COL24A1: variants seen among roughly 807,000 people sequenced by gnomAD.
The protein encoded by COL24A1 is collagen alpha-1(XXIV) chain.
Under a neutral mutation model 253.9 loss-of-function variants are expected in COL24A1, and 224 were observed. The observed-to-expected ratio is 0.88, with a 90% CI of 0.79 to 0.99. The LOEUF (loss-of-function observed/expected upper bound fraction) is 0.99. COL24A1 is among the 50% of genes least tolerant of loss of function. The probability of loss-of-function intolerance (pLI) is 0.00; values close to 1 mark genes in which losing one functional copy is unlikely to be tolerated. For missense variants in COL24A1, 2,131 were observed against 2,068.5 expected, an observed-to-expected ratio of 1.03 and a Z score of -0.59; for synonymous variants, 685 against 673.7, an observed-to-expected ratio of 1.02 and a Z score of -0.26.
chr1:85,892,216 A>T lies in COL24A1; in HGVS notation c.2923-2603T>A, dbSNP rs143923119. On this transcript the variant is annotated intron_variant, in intron 31 of 59. Coordinates refer to ENST00000370571, the MANE Select transcript of COL24A1 (RefSeq NM_152890.7). ...TGATTCCAATAAAATATAATGATAC[A>T]TTATATGCAAGGGATTAATTTTATA... is the stretch of plus-strand genomic sequence containing the variant. 2.8e-4 allele frequency among the ~76,000 whole-genome samples: 43 copies of T among 152,200 alleles called. No individual in the cohort carries two copies. The East Asian group carries it at 7.3e-3, about 26-fold the overall frequency.
chr1:85,951,372 A>G (rs1034311654), intron 24 of COL24A1, among the ~76,000 whole-genome samples: 4 of 152,176 alleles, frequency 2.6e-5, no homozygotes, highest in African/African-American at 9.6e-5. Flanking sequence ...AAAAGACTTC[A>G]TGGTTGAGAA....
At chr1:86,148,020 C>T (rs1008181165) in intron 1 of COL24A1, among the ~76,000 whole-genome samples, 2 of 152,148 alleles carry the variant, frequency 1.3e-5, no homozygotes, top group Admixed American at 1.3e-4. Flanking sequence ...GCATTTATAA[C>T]AAGTTCCTGG....
At chr1:85,935,056 T>G (rs532992046) in intron 24 of COL24A1, among the ~76,000 whole-genome samples, 2 of 152,260 alleles carry the variant, frequency 1.3e-5, no homozygotes, top group Admixed American at 1.3e-4. Context: ...TAGTATATTT[T>G]GCAAAATGGT....
chr1:85,736,567 G>A lies in COL24A1; in HGVS notation c.4782+829C>T, dbSNP rs78774130. 1.3e-3 allele frequency: 574 copies of A among 445,910 alleles called. 4 individuals carry two copies. The highest frequency in any genetic ancestry group is 0.011 in the African/African-American group (548 of 49,948). 27.6% of individuals were successfully genotyped at this position (445,910 alleles called of 1,614,324 possible). On this transcript the variant is annotated intron_variant, in intron 58 of 59. Transcript: ENST00000370571. ...GGTAATAATGGTGAATGCCTATTAA[G>A]ATAAATTGATGGAATGCCCTGGTTA...
chr1:85,785,176 A>C (rs1669552652), intron 48 of COL24A1, among the ~76,000 whole-genome samples: 1 of 152,228 alleles, frequency 6.6e-6, no homozygotes, highest in African/African-American at 2.4e-5. Context: ...TTCCATCAAT[A>C]AAAAATTTCC....
At chr1:85,837,651 C>T (rs1022104061) in intron 43 of COL24A1, among the ~76,000 whole-genome samples, 1 of 152,036 alleles carries the variant, frequency 6.6e-6, no homozygotes, top group Non-Finnish European at 1.5e-5. Flanking sequence ...AGAATAGCAA[C>T]AGAATGTGGT....
At chr1:86,146,779 A>G (rs933557791) in intron 1 of COL24A1, among the ~76,000 whole-genome samples, 12 of 152,068 alleles carry the variant, frequency 7.9e-5, no homozygotes, top group African/African-American at 2.9e-4. Context: ...AACATTGAGC[A>G]TTTTGATTAG....
At chr1:86,120,187 T>C (rs150123392) in intron 3 of COL24A1, among the ~76,000 whole-genome samples, 26,557 of 151,904 alleles carry the variant, frequency 0.17, 2,435 homozygotes, top group South Asian at 0.27. Context: ...ACCATAAAAA[T>C]CCTAGAAGAA....
chr1:85,910,436 C>T (rs2102923728), intron 25 of COL24A1, among the ~76,000 whole-genome samples: 1 of 151,952 alleles, frequency 6.6e-6, no homozygotes, highest in African/African-American at 2.4e-5. Flanking sequence ...CTGCCTACCA[C>T]AATTAAGTGC....
At chr1:85,864,099 AC>A (rs953724904) in intron 37 of COL24A1, among the ~76,000 whole-genome samples, 8 of 152,174 alleles carry the variant, frequency 5.3e-5, no homozygotes, top group African/African-American at 1.9e-4. Flanking sequence ...ACACATGCAC[AC>A]GTGGGTTTAT....
In COL24A1 at chr1:85,932,828, A is replaced by G. The variant is rs1571274197; in HGVS notation, c.2563-21395T>C. ...TGGAAACCATCATTCTCAGTAAACT[A>G]TCGCAAGAACAAAAAACCAAACACC... On this transcript the variant is annotated intron_variant, in intron 24 of 59. Transcript: ENST00000370571. 2.5e-4 allele frequency among the ~76,000 whole-genome samples: 17 copies of G among 67,404 alleles called. No individual in the cohort carries two copies. In the South Asian group the frequency reaches 0.012, roughly 46 times the overall value. The allele number at this position is 67,404 out of a possible 152,430, so 44.2% of individuals were successfully genotyped here.
At chr1:86,029,855 T>C (rs556021459) in intron 14 of COL24A1, 1 of 152,172 alleles carries the variant, frequency 6.6e-6, no homozygotes, top group South Asian at 2.1e-4. Flanking sequence ...TTCTTCCCTA[T>C]GGAAAGAGCT....
chr1:85,860,009 G>A (rs1485686867), intron 37 of COL24A1, among the ~76,000 whole-genome samples: 1 of 152,052 alleles, frequency 6.6e-6, no homozygotes, highest in African/African-American at 2.4e-5. Flanking sequence ...CATGTTGATT[G>A]AGAATAGTCA....
In COL24A1 at chr1:85,943,074, G is replaced by C. The variant is rs1489862334; in HGVS notation, c.2562+18175C>G. On this transcript the variant is annotated intron_variant, in intron 24 of 59. Coordinates refer to ENST00000370571, the MANE Select transcript of COL24A1 (RefSeq NM_152890.7). ...AGTATCCAATCTCTCAGGGCCTGGA[G>C]AGAACCAATACAGAAGAAAAATTGG... Among the ~76,000 whole-genome samples, 5 of 152,188 alleles carry C rather than the reference G, an allele frequency of 3.3e-5. No individual in the cohort carries two copies. In the East Asian group the frequency reaches 9.6e-4, roughly 29 times the overall value.
At chr1:85,896,878 G>T (rs1359009974) in intron 28 of COL24A1, among the ~76,000 whole-genome samples, 1 of 152,210 alleles carries the variant, frequency 6.6e-6, no homozygotes, top group Admixed American at 6.5e-5. Context: ...CTGCATGGGA[G>T]AATCAGCCCA....
At chr1:86,107,406 T>C (rs1571940512) in intron 5 of COL24A1, among the ~76,000 whole-genome samples, 1 of 152,220 alleles carries the variant, frequency 6.6e-6, no homozygotes, top group African/African-American at 2.4e-5. Flanking sequence ...AATGTTCTAT[T>C]AATTCCGATT....
At chr1:85,742,349 G>A (rs1664744147) in intron 57 of COL24A1, among the ~76,000 whole-genome samples, 1 of 151,784 alleles carries the variant, frequency 6.6e-6, no homozygotes, top group South Asian at 2.1e-4. Flanking sequence ...AGCCAGGATG[G>A]TCTCAATCTC....
chr1:85,985,279 A>C (rs1234713025), intron 20 of COL24A1, among the ~76,000 whole-genome samples: 1 of 151,854 alleles, frequency 6.6e-6, no homozygotes, highest in Admixed American at 6.6e-5. Flanking sequence ...CAGACAAAAA[A>C]TATGGCATGT....
chr1:85,856,023 T>A (rs947733530), intron 37 of COL24A1, among the ~76,000 whole-genome samples: 1 of 152,198 alleles, frequency 6.6e-6, no homozygotes, highest in Admixed American at 6.5e-5. Context: ...TGTATTTCCG[T>A]GGTATTGATG....
Sources: gnomAD v4.1 joint callset for allele counts (sites outside exome capture counted in the v4.1 genomes callset) on GRCh38, gnomAD v4.1.1 for gene constraint, MANE v1.5 for transcripts, NCBI Gene and HGNC (gene_info 2026-07-23, HGNC 2026-07-21) for gene names.